CLTC: variants seen among roughly 807,000 people sequenced by gnomAD.
The protein encoded by CLTC is clathrin heavy chain.
Under a neutral mutation model 195.8 loss-of-function variants are expected in CLTC, and 16 were observed. That is an observed-to-expected ratio of 0.08 (90% CI 0.06 to 0.12). The LOEUF is 0.12. CLTC is among the 10% of genes least tolerant of loss of function. The probability of loss-of-function intolerance (pLI) is 1.00; values close to 1 mark genes in which losing one functional copy is unlikely to be tolerated. For missense variants in CLTC, 796 were observed against 2,027.0 expected (o/e 0.39, Z 11.66); for synonymous variants, 667 against 689.4 (o/e 0.97, Z 0.51).
At chr17:59,654,687 C>T (rs527240423) in intron 5 of CLTC, among the ~76,000 whole-genome samples, 2 of 152,018 alleles carry the variant, frequency 1.3e-5, no homozygotes, top group African/African-American at 4.8e-5. Context: ...CACTGTTTTG[C>T]CCAGGGTGGT....
intron 5 of CLTC, 127 bp from the exon 6 acceptor site, chr17:59,655,727 T>G: frequency 3.0e-6 from 2 of 666,538 alleles, no homozygotes. Flanking sequence ...AAATATTAGC[T>G]TATAATTTTT....
chr17:59,619,919 G>T lies in CLTC; in HGVS notation c.-213G>T. On this transcript the variant is annotated 5_prime_UTR_variant, in exon 1 of 32. Coordinates refer to ENST00000269122, the MANE Select transcript of CLTC (RefSeq NM_004859.4). ...CAGCCGTTTCCGGAGTCTGCGCTGC[G>T]CCCGGTTCCGCCATTGCGGCTCTCC... The T allele has an allele frequency of 5.6e-6, 3 of 534,212 alleles. No individual in the cohort carries two copies. The highest frequency in any genetic ancestry group is 1.0e-5 in the Non-Finnish European group (3 of 297,684). The allele number at this position is 534,212 out of a possible 1,614,324, so 33.1% of individuals were successfully genotyped here. A position where few individuals can be genotyped will look rare whatever the true frequency, so the allele number is the denominator to read the frequency against.
At chr17:59,676,716 A>G (rs1266342481) in intron 16 of CLTC, among the ~76,000 whole-genome samples, 1 of 152,208 alleles carries the variant, frequency 6.6e-6, no homozygotes, top group Admixed American at 6.5e-5. Context: ...CTATAGTACC[A>G]GCTACTCGGG....
chr17:59,620,065 G>C lies in CLTC; in HGVS notation c.-67G>C, dbSNP rs1220433618. The C allele has an allele frequency of 6.6e-7, 1 of 1,518,912 alleles. No homozygotes were observed. The highest frequency in any genetic ancestry group is 9.1e-7 in the Non-Finnish European group (1 of 1,096,012). The allele number at this position is 1,518,912 out of a possible 1,614,324, so 94.1% of individuals were successfully genotyped here. ...CCTCCCCTTCTCCTCCTCTCCCTTG[G>C]AGAGCCCGGGCAGCCACTGCCCCGC... On this transcript the variant is annotated 5_prime_UTR_variant, in exon 1 of 32. Transcript: ENST00000269122.
intron 2 of CLTC, among the ~76,000 whole-genome samples, chr17:59,645,098 C>T (rs924511822): frequency 7.9e-5 from 12 of 152,100 alleles, no homozygotes; most frequent in Non-Finnish European, 1.3e-4. Flanking sequence ...TATCTCTCTA[C>T]AGAGGAAAGA....
At chr17:59,688,013 C>T (rs2033221095) in intron 30 of CLTC, among the ~76,000 whole-genome samples, 1 of 152,142 alleles carries the variant, frequency 6.6e-6, no homozygotes, top group Non-Finnish European at 1.5e-5. Context: ...CTGGAATCAC[C>T]ACTGGAACTT....
In CLTC at chr17:59,685,682, A is replaced by G. The variant is rs753892449; in HGVS notation, c.4701A>G (p.Gly1567=). 2.5e-6 allele frequency: 4 copies of G among 1,614,098 alleles called. No individual in the cohort carries two copies. In the South Asian group the frequency reaches 4.4e-5, roughly 18 times the overall value. The part of the protein sequence containing the change: ...FLQEEKRECF[G]ACLFTCYDLL... Reference sequence around the variant, plus strand: ...AGGAAGAAAAAAGAGAGTGCTTTGGAGCTTGTCTGTTTACCTGTTACGATC... The same window carrying G: ...AGGAAGAAAAAAGAGAGTGCTTTGGGGCTTGTCTGTTTACCTGTTACGATC... The change falls in exon 30 of 32, where the codon GGA becomes GGG. Residue 1567 remains glycine (G), a synonymous_variant. Coordinates refer to ENST00000269122, the MANE Select transcript of CLTC (RefSeq NM_004859.4). This position sits in a 1 kb window ranked among gnomAD's most constrained non-coding sequence, Gnocchi z 5.0.
In CLTC at chr17:59,682,615, CT is replaced by C. The variant is rs762555991; in HGVS notation, c.3601-5del. Reference sequence around the variant, plus strand: ...TAATATCTTGCTGAATGTGGGTTACCTTTTTTTTTCCAGGTTGGTGACCGTT... The same window carrying C: ...TAATATCTTGCTGAATGTGGGTTACCTTTTTTTTCCAGGTTGGTGACCGTT... On this transcript the variant is annotated splice_polypyrimidine_tract_variant and intron_variant, in intron 22 of 31. Coordinates refer to ENST00000269122, the MANE Select transcript of CLTC (RefSeq NM_004859.4). This position sits in a 1 kb window ranked among gnomAD's most constrained non-coding sequence, Gnocchi z 6.8. The C allele has an allele frequency of 2.6e-5, 41 of 1,601,296 alleles. No individual in the cohort carries two copies. Among genetic ancestry groups the C allele is most frequent in the South Asian group, 1.7e-4 (15 of 90,250 alleles).
chr17:59,664,442 T>G (rs1013622118), intron 9 of CLTC, among the ~76,000 whole-genome samples: 4 of 151,216 alleles, frequency 2.6e-5, no homozygotes, highest in African/African-American at 9.7e-5. Flanking sequence ...TCTTAGCTAC[T>G]CAGGAGGCCA....
At position 59,648,924 on chromosome 17, in the gene CLTC, G is replaced by T. The variant is rs759153216; in HGVS notation, c.681+523G>T. ...TGCCCAGGCTGGTCTCAAACCTCTG[G>T]GTCCAAGTGATCCTCCCGCCTTGGT... On this transcript the variant is annotated intron_variant, in intron 4 of 31. Coordinates refer to ENST00000269122, the MANE Select transcript of CLTC (RefSeq NM_004859.4). This position sits in a 1 kb window ranked among gnomAD's most constrained non-coding sequence, Gnocchi z 4.5. 6.6e-6 allele frequency among the ~76,000 whole-genome samples: 1 copy of T among 152,062 alleles called. No homozygotes were observed. Among genetic ancestry groups the T allele is most frequent in the Non-Finnish European group, 1.5e-5 (1 of 68,000 alleles).
intron 8 of CLTC, 137 bp from the exon 9 acceptor site, chr17:59,663,705 C>A: frequency 1.6e-6 from 1 of 644,818 alleles, no homozygotes; most frequent in Non-Finnish European, 2.5e-6. Context: ...CCAACCACAA[C>A]CCCTGCATAT....
intron 1 of CLTC, among the ~76,000 whole-genome samples, chr17:59,639,803 TA>T (rs34219678): frequency 3.6e-4 from 52 of 142,590 alleles, no homozygotes; most frequent in Non-Finnish European, 3.5e-4. Flanking sequence ...ACCTGTCTCT[TA>T]AAAAAAAAAA....
intron 18 of CLTC, 64 bp from the exon 19 acceptor site, chr17:59,680,848 C>T: frequency 7.3e-7 from 1 of 1,369,032 alleles, no homozygotes. Context: ...TAATGAGAGG[C>T]CAACTTACGC....
intron 31 of CLTC, among the ~76,000 whole-genome samples, chr17:59,691,655 A>G (rs1260792461): frequency 6.8e-6 from 1 of 148,036 alleles, no homozygotes; most frequent in East Asian, 1.9e-4. Flanking sequence ...ATATACATAT[A>G]TATATATATA....
Position 59,671,394 on chromosome 17 carries a change from A to C in CLTC, c.2293-2253A>C, listed in dbSNP as rs566696470. Among the ~76,000 whole-genome samples the C allele has an allele frequency of 4.6e-5, 7 of 152,294 alleles. No homozygotes were observed. In the South Asian group the frequency reaches 1.4e-3, roughly 32 times the overall value. On this transcript the variant is annotated intron_variant, in intron 14 of 31. Transcript: ENST00000269122. ...ACTTAATTTTAGAGGTACTAGCTAC[A>C]TGATAATTTACTGGTGTTGTAAGTA... is the stretch of plus-strand genomic sequence containing the variant.
rs1251776219 is a variant in CLTC at position 59,648,691 on chromosome 17, TTTTG to T, written c.681+294_681+297del. 1 of 245,684 alleles carries T rather than the reference TTTTG, an allele frequency of 4.1e-6. No homozygotes were observed. Among genetic ancestry groups the T allele is most frequent in the South Asian group, 7.7e-5 (1 of 12,934 alleles). 15.2% of individuals were successfully genotyped at this position (245,684 alleles called of 1,614,324 possible). The stretch of plus-strand genomic sequence containing the variant: ...TTTAGTAGGTGTTGCCTATAATTTT[TTTTG>T]TTTATTTGTTGCTTTTTGAGACAGG... On this transcript the variant is annotated intron_variant, in intron 4 of 31. Coordinates refer to ENST00000269122, the MANE Select transcript of CLTC (RefSeq NM_004859.4). This position sits in a 1 kb window ranked among gnomAD's most constrained non-coding sequence, Gnocchi z 4.5.
chr17:59,683,604 G>A lies in CLTC; in HGVS notation c.4192-21G>A, dbSNP rs2033120716. On this transcript the variant is annotated intron_variant, in intron 26 of 31. Coordinates refer to ENST00000269122, the MANE Select transcript of CLTC (RefSeq NM_004859.4). This position sits in a 1 kb window ranked among gnomAD's most constrained non-coding sequence, Gnocchi z 6.1. ...GCTCATTAGGAAGTAACTGACTTATGTATGGATTTTCCCATTGTAGGTTGC... is the reference window on the plus strand; with the variant it reads ...GCTCATTAGGAAGTAACTGACTTATATATGGATTTTCCCATTGTAGGTTGC... 2 of 1,613,800 alleles carry A rather than the reference G, an allele frequency of 1.2e-6. No homozygotes were observed. The highest frequency in any genetic ancestry group is 1.7e-4 in the Middle Eastern group (1 of 6,060).
In CLTC at chr17:59,655,937, C is replaced by G; in HGVS notation, c.879C>G (p.Ile293Met). The change falls in exon 6 of 32, where the codon ATC becomes ATG. Residue 293 changes from isoleucine (I) to methionine (M), a missense_variant. Physicochemically the swap from Ile to Met is conservative, Grantham distance 10 (BLOSUM62 1). Coordinates refer to ENST00000269122, the MANE Select transcript of CLTC (RefSeq NM_004859.4). ...HLYDLETGTC[I>M]YMNRISGETI... ...ATGATCTTGAGACTGGTACCTGCAT[C>G]TACATGAATAGAATCAGTGGAGAAA... The G allele has an allele frequency of 6.2e-7, 1 of 1,612,780 alleles. No homozygotes were observed. Among genetic ancestry groups the G allele is most frequent in the Non-Finnish European group, 8.5e-7 (1 of 1,179,526 alleles).
intron 17 of CLTC, among the ~76,000 whole-genome samples, chr17:59,678,478 C>T (rs1471729873): frequency 1.3e-5 from 2 of 152,178 alleles, no homozygotes; most frequent in Admixed American, 1.3e-4. Context: ...CATTCATGAA[C>T]TCTTGGATTT....
Sources: allele counts gnomAD v4.1 joint callset (sites outside exome capture counted in the v4.1 genomes callset), GRCh38; gene constraint gnomAD v4.1.1; non-coding constraint Gnocchi (gnomAD v3.1); transcripts MANE v1.5; gene names NCBI Gene and HGNC (gene_info 2026-07-23, HGNC 2026-07-21).